The following EDA variants were observed in gnomAD, a reference collection of about 807,000 sequenced individuals.
EDA encodes the protein ectodysplasin A.
Under a neutral mutation model 23.6 loss-of-function variants are expected in EDA, and 2 were observed. The observed-to-expected ratio is 0.08, with a 90% CI of 0.03 to 0.27. EDA has a LOEUF of 0.27. Among genes scored for constraint, EDA ranks in the 10% least tolerant of loss-of-function variants. The pLI, the probability that EDA is intolerant of heterozygous loss-of-function variation, is 1.00. For synonymous variants in EDA, 131 were observed against 132.0 expected (o/e 0.99, Z 0.05); for missense variants, 229 against 324.2 (o/e 0.71, Z 2.26).
intron 2 of EDA, 110 bp from the exon 3 acceptor site, chrX:70,023,108 C>A: frequency 2.2e-6 from 1 of 450,586 alleles, no homozygotes; most frequent in Non-Finnish European, 3.8e-6. Context: ...GGCTGTGAGA[C>A]TCCCTCAAAT....
intron 1 of EDA, among the ~76,000 whole-genome samples, chrX:69,918,415 C>G (rs900487986): frequency 9.0e-6 from 1 of 111,419 alleles, no homozygotes; most frequent in Admixed American, 9.5e-5. Context: ...CCTCAGCCTC[C>G]CAAAGTGCTG....
At chrX:69,707,770 AT>A (rs2011787573) in intron 1 of EDA, among the ~76,000 whole-genome samples, 1 of 111,575 alleles carries the variant, frequency 9.0e-6, no homozygotes, top group African/African-American at 3.3e-5. Flanking sequence ...AGATGAACCC[AT>A]GATTTCCTAT....
chrX:69,878,693 TA>T (rs1328163288), intron 1 of EDA, among the ~76,000 whole-genome samples: 1 of 100,048 alleles, frequency 1.0e-5, no homozygotes, highest in Non-Finnish European at 2.0e-5. Flanking sequence ...TTGGTGAAAA[TA>T]CAGCCCCTCA....
chrX:69,705,007 G>A (rs773443884), intron 1 of EDA, among the ~76,000 whole-genome samples: 1 of 110,203 alleles, frequency 9.1e-6, no homozygotes, highest in African/African-American at 3.3e-5. Context: ...ATTCACCTGA[G>A]GTCAGGAGTT....
chrX:69,850,406 A>G (rs1352613595), intron 1 of EDA, among the ~76,000 whole-genome samples: 1 of 112,162 alleles, frequency 8.9e-6, no homozygotes, highest in African/African-American at 3.2e-5. Context: ...TTCAGAGGCT[A>G]CTTATCCAGT....
chrX:69,908,471 GTA>G (rs750685735), intron 1 of EDA, among the ~76,000 whole-genome samples: 100 of 103,474 alleles, frequency 9.7e-4, no homozygotes, highest in African/African-American at 2.7e-3. Context: ...GATATAAAAA[GTA>G]TATATATATA....
chrX:69,637,386 C>T (rs1487497786), intron 1 of EDA, among the ~76,000 whole-genome samples: 1 of 111,434 alleles, frequency 9.0e-6, no homozygotes. Flanking sequence ...TTCCTGGAAT[C>T]TGGGCTAATG....
intron 1 of EDA, among the ~76,000 whole-genome samples, chrX:69,790,338 G>T (rs1284887249): frequency 9.1e-6 from 1 of 110,077 alleles, no homozygotes; most frequent in Non-Finnish European, 1.9e-5. Context: ...GGGGCAGAGG[G>T]GTGAAATTTG....
chrX:69,932,143 T>C (rs1429214739), intron 1 of EDA, among the ~76,000 whole-genome samples: 1 of 111,398 alleles, frequency 9.0e-6, no homozygotes, highest in Non-Finnish European at 1.9e-5. Context: ...AACTGATCTA[T>C]AGTGGCAAAA....
chrX:69,890,194 A>G (rs965639774), intron 1 of EDA, among the ~76,000 whole-genome samples: 9 of 111,003 alleles, frequency 8.1e-5, no homozygotes, highest in Non-Finnish European at 1.3e-4. Context: ...TATTCAAGGA[A>G]CACTACAAAC....
At chrX:69,953,790 A>G (rs1938022) in intron 1 of EDA, among the ~76,000 whole-genome samples, 51,705 of 110,706 alleles carry the variant, frequency 0.47, 9,626 homozygotes, top group Middle Eastern at 0.63. Context: ...ATATTCATTC[A>G]TACATATGAA....
intron 1 of EDA, among the ~76,000 whole-genome samples, chrX:69,830,245 T>C (rs2016573389): frequency 8.9e-6 from 1 of 112,168 alleles, no homozygotes; most frequent in Non-Finnish European, 1.9e-5. Flanking sequence ...AAAATTTTAA[T>C]TGAATTTTTT....
At chrX:69,989,486 T>C (rs745926994) in intron 2 of EDA, among the ~76,000 whole-genome samples, 2 of 111,271 alleles carry the variant, frequency 1.8e-5, no homozygotes, top group African/African-American at 3.3e-5. Flanking sequence ...AATTTCAAGA[T>C]TAAAGTTGAA....
At chrX:69,824,316 C>A (rs1413409377) in intron 1 of EDA, among the ~76,000 whole-genome samples, 3 of 110,169 alleles carry the variant, frequency 2.7e-5, no homozygotes, top group Admixed American at 1.9e-4. Flanking sequence ...GATATTGATT[C>A]TTCCTACGCA....
intron 1 of EDA, among the ~76,000 whole-genome samples, chrX:69,698,506 GTCTGGAT>G (rs1361079069): frequency 8.9e-6 from 1 of 111,966 alleles, no homozygotes; most frequent in Admixed American, 9.5e-5. Flanking sequence ...AAAAGACAGT[GTCTGGAT>G]TAAGGAAGGG....
chrX:69,834,842 T>G (rs2016727483), intron 1 of EDA, among the ~76,000 whole-genome samples: 1 of 111,921 alleles, frequency 8.9e-6, no homozygotes, highest in East Asian at 2.8e-4. Flanking sequence ...GTTTTTGCAG[T>G]GGCTGGTACC....
At chrX:69,713,547 TG>T (rs1164079404) in intron 1 of EDA, among the ~76,000 whole-genome samples, 1 of 111,751 alleles carries the variant, frequency 8.9e-6, no homozygotes, top group Non-Finnish European at 1.9e-5. Context: ...GTCTAACCCC[TG>T]GCAACCACTA....
intron 1 of EDA, among the ~76,000 whole-genome samples, chrX:69,830,933 T>C (rs927016319): frequency 9.0e-6 from 1 of 111,619 alleles, no homozygotes; most frequent in African/African-American, 3.3e-5. Context: ...CCAAAGAAGT[T>C]TGGGGTATAC....
At chrX:69,930,777 G>A (rs1048782189) in intron 1 of EDA, among the ~76,000 whole-genome samples, 2 of 111,182 alleles carry the variant, frequency 1.8e-5, no homozygotes, top group Admixed American at 1.9e-4. Flanking sequence ...AAAGTTGTAA[G>A]AAATCCACAA....
Sources: allele counts gnomAD v4.1 joint callset (sites outside exome capture counted in the v4.1 genomes callset), GRCh38; gene constraint gnomAD v4.1.1; transcripts MANE v1.5; gene names NCBI Gene and HGNC (gene_info 2026-07-23, HGNC 2026-07-21).